Variants in TMEM196 observed in about 807,000 individuals in gnomAD.
TMEM196 encodes transmembrane protein 196.
TMEM196 carries 17 observed loss-of-function variants against 20.0 expected under a neutral mutation model. The ratio of observed to expected loss-of-function variants is 0.85; its 90% CI spans 0.58 to 1.27. TMEM196 has a LOEUF of 1.27. TMEM196 is among the 50% of genes most tolerant of loss of function. The pLI is 0.00. For missense variants in TMEM196, 267 were observed against 223.0 expected (o/e 1.20, Z -1.26); for synonymous variants, 113 against 88.9 (o/e 1.27, Z -1.52).
chr7:19,738,518 A>G (rs1325502422), intron 1 of TMEM196, among the ~76,000 whole-genome samples: 1 of 152,096 alleles, frequency 6.6e-6, no homozygotes, highest in African/African-American at 2.4e-5. Context: ...CTTGGTTTCT[A>G]ATACCTTCTC....
chr7:19,763,074 G>A (rs1043983842), intron 1 of TMEM196, among the ~76,000 whole-genome samples: 2 of 152,144 alleles, frequency 1.3e-5, no homozygotes, highest in Admixed American at 1.3e-4. Flanking sequence ...GTGCCTGGGT[G>A]TGCACACACA....
intron 1 of TMEM196, among the ~76,000 whole-genome samples, chr7:19,734,610 G>T (rs924026173): frequency 2.0e-5 from 3 of 152,118 alleles, no homozygotes; most frequent in African/African-American, 7.2e-5. Context: ...AAGATGCTAC[G>T]CTGTTTGCTT....
At chr7:19,770,066 T>C (rs1785806157) in intron 1 of TMEM196, among the ~76,000 whole-genome samples, 1 of 152,208 alleles carries the variant, frequency 6.6e-6, no homozygotes, top group African/African-American at 2.4e-5. Flanking sequence ...TCTTACACTG[T>C]GAAGCATTAG....
At chr7:19,756,667 C>T (rs930190041) in intron 1 of TMEM196, among the ~76,000 whole-genome samples, 2 of 147,976 alleles carry the variant, frequency 1.4e-5, no homozygotes, top group African/African-American at 5.0e-5. Context: ...TATTGAAAGA[C>T]ATTAGCTCAC....
chr7:19,720,234 G>A lies in TMEM196; in HGVS notation c.*1894C>T, dbSNP rs1229264570. On this transcript the variant is annotated 3_prime_UTR_variant, in exon 5 of 5. Transcript: ENST00000405844. ...GCAATGAAGTTATCCAAAGGAATTGGGAGACTTCAAAAAGTGCACCAAACA... is the reference window on the plus strand; with the variant it reads ...GCAATGAAGTTATCCAAAGGAATTGAGAGACTTCAAAAAGTGCACCAAACA... The A allele has an allele frequency of 2.0e-5, 3 of 151,932 alleles. No individual in the cohort carries two copies. Among genetic ancestry groups the A allele is most frequent in the Non-Finnish European group, 4.4e-5 (3 of 67,882 alleles). 9.4% of individuals were successfully genotyped at this position (151,932 alleles called of 1,614,324 possible). A position where few individuals can be genotyped will look rare whatever the true frequency, so the allele number is the denominator to read the frequency against.
At position 19,760,127 on chromosome 7, in the gene TMEM196, C is replaced by A. The variant is rs150462648; in HGVS notation, c.147+12423G>T. 3.3e-5 allele frequency among the ~76,000 whole-genome samples: 5 copies of A among 152,182 alleles called. 1 individual carries two copies. Among genetic ancestry groups the A allele is most frequent in the African/African-American group, 1.2e-4 (5 of 41,546 alleles). On this transcript the variant is annotated intron_variant, in intron 1 of 4. Coordinates refer to ENST00000405844, the MANE Select transcript of TMEM196 (RefSeq NM_001363562.2). Reference sequence around the variant, plus strand: ...TCTACCTCCTCCCCCTCAGGTCATACTTCAGTCACCCTGGACTTCATTCAG... The same window carrying A: ...TCTACCTCCTCCCCCTCAGGTCATAATTCAGTCACCCTGGACTTCATTCAG...
rs942523059 is a variant in TMEM196 at position 19,721,251 on chromosome 7, T to C, written c.*877A>G. ...TTCTATTGGAGTAGAATCTTAATAA[T>C]ACCCCCACAGCATCACAATTTCTTT... On this transcript the variant is annotated 3_prime_UTR_variant, in exon 5 of 5. Coordinates refer to ENST00000405844, the MANE Select transcript of TMEM196 (RefSeq NM_001363562.2). The C allele has an allele frequency of 7.2e-5, 11 of 152,000 alleles. No homozygotes were observed. The highest frequency in any genetic ancestry group is 2.4e-4 in the African/African-American group (10 of 41,556). The allele number at this position is 152,000 out of a possible 1,614,324, so 9.4% of individuals were successfully genotyped here. A position where few individuals can be genotyped will look rare whatever the true frequency, so the allele number is the denominator to read the frequency against.
chr7:19,733,083 C>T (rs2128018205), intron 1 of TMEM196, among the ~76,000 whole-genome samples: 1 of 152,248 alleles, frequency 6.6e-6, no homozygotes, highest in Admixed American at 6.5e-5. Context: ...ATAAATGTAG[C>T]AATCTAATGA....
chr7:19,743,256 A>G (rs1173573892), intron 1 of TMEM196, among the ~76,000 whole-genome samples: 1 of 152,192 alleles, frequency 6.6e-6, no homozygotes, highest in African/African-American at 2.4e-5. Context: ...ATCATCCCAG[A>G]TAGAGCCCCT....
At chr7:19,761,261 G>A (rs1785424429) in intron 1 of TMEM196, among the ~76,000 whole-genome samples, 2 of 152,170 alleles carry the variant, frequency 1.3e-5, no homozygotes, top group South Asian at 2.1e-4. Flanking sequence ...TTTCTTAGTC[G>A]ATGGAAAACC....
intron 1 of TMEM196, among the ~76,000 whole-genome samples, chr7:19,736,147 T>C (rs540942389): frequency 1.3e-5 from 2 of 151,968 alleles, no homozygotes; most frequent in South Asian, 4.1e-4. Flanking sequence ...ACTCACCTTT[T>C]AATTAAAGAA....
At chr7:19,742,755 T>G (rs1784621892) in intron 1 of TMEM196, among the ~76,000 whole-genome samples, 1 of 152,108 alleles carries the variant, frequency 6.6e-6, no homozygotes, top group South Asian at 2.1e-4. Flanking sequence ...AATAATGACT[T>G]CCATAGACCA....
At chr7:19,765,852 C>T (rs1056727689) in intron 1 of TMEM196, among the ~76,000 whole-genome samples, 1 of 152,086 alleles carries the variant, frequency 6.6e-6, no homozygotes, top group Non-Finnish European at 1.5e-5. Context: ...TAACTAGATA[C>T]ATACCATTCA....
chr7:19,743,576 AC>A (rs1784651044), intron 1 of TMEM196, among the ~76,000 whole-genome samples: 1 of 152,166 alleles, frequency 6.6e-6, no homozygotes, highest in Non-Finnish European at 1.5e-5. Flanking sequence ...ACATAATTGG[AC>A]TGTGAAAACG....
intron 1 of TMEM196, among the ~76,000 whole-genome samples, chr7:19,762,702 T>C (rs533518818): frequency 5.9e-5 from 9 of 152,270 alleles, no homozygotes; most frequent in Admixed American, 4.6e-4. Context: ...GTTTAAAATG[T>C]AGATGATGAA....
intron 1 of TMEM196, among the ~76,000 whole-genome samples, chr7:19,760,461 A>G (rs1785394479): frequency 6.9e-6 from 1 of 144,644 alleles, no homozygotes. Context: ...CCTGGGTTCA[A>G]GCGATTTTTC....
intron 1 of TMEM196, among the ~76,000 whole-genome samples, chr7:19,743,661 A>G (rs1784654266): frequency 6.6e-6 from 1 of 152,174 alleles, no homozygotes; most frequent in Admixed American, 6.5e-5. Flanking sequence ...AAAGAGCACT[A>G]TTTATAACTC....
At chr7:19,731,931 T>C (rs1324720065) in intron 1 of TMEM196, among the ~76,000 whole-genome samples, 1 of 152,292 alleles carries the variant, frequency 6.6e-6, no homozygotes, top group Non-Finnish European at 1.5e-5. Context: ...AGAAAAGCTG[T>C]AACCTGAGAA....
At chr7:19,761,754 G>C (rs1319130102) in intron 1 of TMEM196, among the ~76,000 whole-genome samples, 2 of 152,172 alleles carry the variant, frequency 1.3e-5, no homozygotes, top group African/African-American at 2.4e-5. Flanking sequence ...AATTTCGGAA[G>C]AAATCACCAG....
Sources: gnomAD v4.1 joint callset for allele counts (sites outside exome capture counted in the v4.1 genomes callset) on GRCh38, gnomAD v4.1.1 for gene constraint, MANE v1.5 for transcripts, NCBI Gene and HGNC (gene_info 2026-07-23, HGNC 2026-07-21) for gene names.